RAP1GAP: variants seen among roughly 807,000 people sequenced by gnomAD.
RAP1GAP encodes rap1 GTPase-activating protein 1.
Under a neutral mutation model 87.2 loss-of-function variants are expected in RAP1GAP, and 35 were observed. The ratio of observed to expected loss-of-function variants is 0.40; its 90% CI spans 0.31 to 0.53. RAP1GAP has a LOEUF of 0.53. RAP1GAP is among the 20% of genes least tolerant of loss of function. The pLI is 0.48. For missense variants in RAP1GAP, 734 were observed against 898.9 expected (o/e 0.82, Z 2.35); for synonymous variants, 375 against 363.9 (o/e 1.03, Z -0.35).
chr1:21,600,219 G>T (rs2067018593), intron 20 of RAP1GAP, among the ~76,000 whole-genome samples: 1 of 152,132 alleles, frequency 6.6e-6, no homozygotes, highest in Admixed American at 6.5e-5. Context: ...AAAAGCAAAT[G>T]TGCCTTTAAA....
At chr1:21,632,211 G>A (rs909128121) in intron 2 of RAP1GAP, among the ~76,000 whole-genome samples, 1 of 152,136 alleles carries the variant, frequency 6.6e-6, no homozygotes, top group Non-Finnish European at 1.5e-5. Flanking sequence ...GCAAGGGTGT[G>A]GGGGAAGGGC....
intron 1 of RAP1GAP, among the ~76,000 whole-genome samples, chr1:21,657,629 G>T (rs538478036): frequency 6.6e-6 from 1 of 152,292 alleles, no homozygotes; most frequent in East Asian, 1.9e-4. Context: ...CCACTGCTAT[G>T]GGCGTGGCCC....
intron 6 of RAP1GAP, 21 bp downstream of exon 6, chr1:21,617,913 C>T (rs376882917): frequency 1.6e-5 from 26 of 1,613,970 alleles, no homozygotes; most frequent in Admixed American, 8.3e-5. Flanking sequence ...TAAGGGTGGG[C>T]GCGGGGTTCT....
Position 21,646,904 on chromosome 1 carries a change from T to G in RAP1GAP, c.-113+2857A>C, listed in dbSNP as rs905758802. ...AACCTGCTGAGAGGGGTTAGGGATG[T>G]GTAGGGGAACTCAGCCATGATCACA... is the stretch of plus-strand genomic sequence containing the variant. On this transcript the variant is annotated intron_variant, in intron 2 of 24. Transcript: ENST00000374765. Among the ~76,000 whole-genome samples the G allele has an allele frequency of 3.3e-5, 5 of 152,168 alleles. No homozygotes were observed. In the South Asian group the frequency reaches 1.0e-3, roughly 31 times the overall value.
chr1:21,654,813 C>T (rs916919013), intron 1 of RAP1GAP, among the ~76,000 whole-genome samples: 13 of 148,976 alleles, frequency 8.7e-5, no homozygotes, highest in African/African-American at 3.2e-4. Context: ...GCCTGGGTGA[C>T]AGAGCAAGAC....
intron 1 of RAP1GAP, chr1:21,653,184 T>C (rs1240464459): frequency 2.0e-5 from 3 of 152,048 alleles, no homozygotes; most frequent in African/African-American, 7.3e-5. Context: ...CACGAAGAAA[T>C]TGAGATCCTC....
chr1:21,660,353 T>TATATATATATATATATATAGAGAGA, intron 1 of RAP1GAP, among the ~76,000 whole-genome samples: 2 of 26,816 alleles, frequency 7.5e-5, no homozygotes, highest in Non-Finnish European at 8.4e-5. Context: ...ATATATTTAT[T>TATATATATATATATATATAGAGAGA]GAGACAGTCT....
At position 21,669,158 on chromosome 1, in the gene RAP1GAP, C is replaced by T; in HGVS notation, c.-149+96G>A. 1.7e-6 allele frequency: 2 copies of T among 1,185,970 alleles called. No homozygotes were observed. The highest frequency in any genetic ancestry group is 9.0e-5 in the East Asian group (1 of 11,072). 73.5% of individuals were successfully genotyped at this position (1,185,970 alleles called of 1,614,324 possible). A position where few individuals can be genotyped will look rare whatever the true frequency, so the allele number is the denominator to read the frequency against. Reference sequence around the variant, plus strand: ...TTCGCCCCCACCCTCCGTCCCCGCCCGCCCGCGCGGGGTCTTCGCTGCGAG... The same window carrying T: ...TTCGCCCCCACCCTCCGTCCCCGCCTGCCCGCGCGGGGTCTTCGCTGCGAG... On this transcript the variant is annotated intron_variant, in intron 1 of 24. Coordinates refer to ENST00000374765, the MANE Select transcript of RAP1GAP (RefSeq NM_002885.4). The surrounding 1 kb of genome is among the most constrained non-coding windows in gnomAD (Gnocchi z 5.6).
chr1:21,667,669 C>T (rs2097416017), intron 1 of RAP1GAP: 1 of 152,302 alleles, frequency 6.6e-6, no homozygotes. Flanking sequence ...TCCTCTCCAC[C>T]GCTGTGGAGA....
Position 21,613,972 on chromosome 1 carries a change from C to G in RAP1GAP, c.395+14G>C, listed in dbSNP as rs1438734240. 1 of 1,573,870 alleles carries G rather than the reference C, an allele frequency of 6.4e-7. No homozygotes were observed. The highest frequency in any genetic ancestry group is 1.1e-5 in the South Asian group (1 of 88,584). ...GCCCTTCCTGCCATCTCAGGACTCC[C>G]CCACCACCCTCACCTGAGCAGCAGC... On this transcript the variant is annotated intron_variant, in intron 8 of 24. Transcript: ENST00000374765. This position sits in a 1 kb window ranked among gnomAD's most constrained non-coding sequence, Gnocchi z 4.7.
At chr1:21,611,034 A>T (rs1037724621) in intron 13 of RAP1GAP, among the ~76,000 whole-genome samples, 1 of 152,062 alleles carries the variant, frequency 6.6e-6, no homozygotes, top group Non-Finnish European at 1.5e-5. Context: ...CGCCACCTGG[A>T]ACATTTCCCT....
At chr1:21,660,789 G>A (rs1052774710) in intron 1 of RAP1GAP, among the ~76,000 whole-genome samples, 2 of 152,160 alleles carry the variant, frequency 1.3e-5, no homozygotes, top group African/African-American at 2.4e-5. Context: ...CGGCTTGCAC[G>A]GTGGTGGCTG....
At position 21,613,711 on chromosome 1, in the gene RAP1GAP, G is replaced by A. The variant is rs2079970140; in HGVS notation, c.396-5C>T. On this transcript the variant is annotated splice_region_variant and splice_polypyrimidine_tract_variant and intron_variant, in intron 8 of 24. Transcript: ENST00000374765. The surrounding 1 kb of genome is among the most constrained non-coding windows in gnomAD (Gnocchi z 4.7). ...TGGTATGTCCGGCACTTGGTCCTGA[G>A]AAGAGAAAGTCACACGATGAAGGCC... The A allele has an allele frequency of 6.2e-7, 1 of 1,610,004 alleles. No individual in the cohort carries two copies. The highest frequency in any genetic ancestry group is 1.3e-5 in the African/African-American group (1 of 74,826).
At chr1:21,620,120 C>A (rs188271324) in intron 3 of RAP1GAP, 70 bp from the exon 4 acceptor site, 10 of 1,566,096 alleles carry the variant, frequency 6.4e-6, no homozygotes, top group Non-Finnish European at 8.8e-6. Context: ...CCACCCGCCC[C>A]GGCCCTCCGG....
chr1:21,601,498 G>T (rs1185739943), intron 20 of RAP1GAP, among the ~76,000 whole-genome samples, 186 bp downstream of exon 20: 1 of 152,232 alleles, frequency 6.6e-6, no homozygotes, highest in South Asian at 2.1e-4. Flanking sequence ...CCGGGCGCGG[G>T]GCTGGGCGTG....
At chr1:21,614,174 C>T (rs2080373338) in intron 7 of RAP1GAP, 85 bp from the exon 8 acceptor site, 2 of 878,356 alleles carry the variant, frequency 2.3e-6, no homozygotes, top group Non-Finnish European at 3.6e-6. Context: ...AACCCACTCC[C>T]AGATGCAGGT....
chr1:21,618,926 G>T, intron 5 of RAP1GAP, 99 bp downstream of exon 5: 3 of 1,355,094 alleles, frequency 2.2e-6, no homozygotes, highest in African/African-American at 1.5e-5. Context: ...ACTACTTGCT[G>T]AAAGGGGATG....
intron 2 of RAP1GAP, among the ~76,000 whole-genome samples, chr1:21,627,758 G>C (rs2092693511): frequency 6.6e-6 from 1 of 152,128 alleles, no homozygotes; most frequent in South Asian, 2.1e-4. Context: ...ACTCCAGCAG[G>C]AGAAATGGCC....
Position 21,609,624 on chromosome 1 carries a change from T to C in RAP1GAP, c.1022A>G (p.Asp341Gly). Residue 341 changes from aspartate (D) to glycine (G), a missense_variant, in exon 15 of 25, where the codon GAT (aspartate) becomes GGT (glycine). By Grantham distance (94) the Asp-to-Gly change is moderately conservative. Coordinates refer to ENST00000374765, the MANE Select transcript of RAP1GAP (RefSeq NM_002885.4). The surrounding 1 kb of genome is among the most constrained non-coding windows in gnomAD (Gnocchi z 4.4). Reference sequence around the variant, plus strand: ...GAGGGGGGGTCCAAAGAAGGGCACATCATCTCTTGCAGTGACAGAGACCTG... The same window carrying C: ...GAGGGGGGGTCCAAAGAAGGGCACACCATCTCTTGCAGTGACAGAGACCTG... ...LYKVSVTARD[D>G]VPFFGPPLPD... is the part of the protein sequence containing the mutation. 6.3e-7 allele frequency: 1 copy of C among 1,581,802 alleles called. No homozygotes were observed. Among genetic ancestry groups the C allele is most frequent in the South Asian group, 1.2e-5 (1 of 83,364 alleles).
Sources: allele counts gnomAD v4.1 joint callset (sites outside exome capture counted in the v4.1 genomes callset), GRCh38; gene constraint gnomAD v4.1.1; non-coding constraint Gnocchi (gnomAD v3.1); transcripts MANE v1.5; gene names NCBI Gene and HGNC (gene_info 2026-07-23, HGNC 2026-07-21).